Variants in RSPO2 observed in about 807,000 individuals in gnomAD.
The protein encoded by RSPO2 is R-spondin 2.
RSPO2 carries 14 observed loss-of-function variants against 30.9 expected under a neutral mutation model. The observed-to-expected ratio is 0.45, with a 90% CI of 0.30 to 0.71. The LOEUF (loss-of-function observed/expected upper bound fraction) is 0.71, where lower values mean the gene tolerates loss of function less well. RSPO2 is among the 30% of genes least tolerant of loss of function. The probability of loss-of-function intolerance (pLI) is 0.08; values close to 1 mark genes in which losing one functional copy is unlikely to be tolerated. For synonymous variants in RSPO2, 107 were observed against 96.4 expected (o/e 1.11, Z -0.64); for missense variants, 264 against 301.9 (o/e 0.87, Z 0.93).
chr8:108,004,877 ATAT>A (rs1478837586), intron 2 of RSPO2, among the ~76,000 whole-genome samples: 2 of 152,312 alleles, frequency 1.3e-5, no homozygotes, highest in African/African-American at 2.4e-5. Flanking sequence ...CATATTTGAT[ATAT>A]TATTTTTTAA....
rs181528487 is a variant in RSPO2 at position 108,017,788 on chromosome 8, A to T, written c.95-28544T>A. ...ATGAACGATTTGTCAATCTAGGGAA[A>T]ATTTCAACCTTATGGAAATAAAGAA... On this transcript the variant is annotated intron_variant, in intron 2 of 5. Coordinates refer to ENST00000276659, the MANE Select transcript of RSPO2 (RefSeq NM_178565.5). Among the ~76,000 whole-genome samples the T allele has an allele frequency of 3.0e-3, 456 of 152,320 alleles. 5 individuals are homozygous for T. The highest frequency in any genetic ancestry group is 2.3e-3 in the Non-Finnish European group (154 of 68,026).
chr8:107,935,879 C>T (rs944610479), intron 5 of RSPO2, among the ~76,000 whole-genome samples: 1 of 152,118 alleles, frequency 6.6e-6, no homozygotes, highest in Admixed American at 6.6e-5. Flanking sequence ...TTGTTACATG[C>T]ATAGACTGTG....
At chr8:107,908,778 A>G (rs1382246842) in intron 5 of RSPO2, among the ~76,000 whole-genome samples, 1 of 152,232 alleles carries the variant, frequency 6.6e-6, no homozygotes, top group Non-Finnish European at 1.5e-5. Context: ...GAAGAAAAGA[A>G]AATTAAGAAG....
At chr8:107,936,164 A>G (rs567522578) in intron 5 of RSPO2, among the ~76,000 whole-genome samples, 48 of 152,012 alleles carry the variant, frequency 3.2e-4, no homozygotes, top group African/African-American at 1.1e-3. Flanking sequence ...CATGAGATCA[A>G]TTTTTTAGCT....
chr8:108,007,331 CA>C, intron 2 of RSPO2, among the ~76,000 whole-genome samples: 1 of 152,218 alleles, frequency 6.6e-6, no homozygotes, highest in African/African-American at 2.4e-5. Flanking sequence ...TTAATTCAGA[CA>C]GAGATCATCA....
At chr8:107,913,390 T>C (rs1015641303) in intron 5 of RSPO2, among the ~76,000 whole-genome samples, 1 of 152,190 alleles carries the variant, frequency 6.6e-6, no homozygotes, top group Non-Finnish European at 1.5e-5. Context: ...ATTGGTTTGA[T>C]ACAAGACGAG....
chr8:107,940,852 C>T (rs932921387), intron 5 of RSPO2, among the ~76,000 whole-genome samples: 5 of 152,108 alleles, frequency 3.3e-5, no homozygotes, highest in Admixed American at 3.3e-4. Context: ...AAACATCAAT[C>T]ACAGCTCCCT....
At chr8:108,076,834 G>A (rs755114254) in intron 2 of RSPO2, among the ~76,000 whole-genome samples, 2 of 152,144 alleles carry the variant, frequency 1.3e-5, no homozygotes, top group Non-Finnish European at 2.9e-5. Flanking sequence ...CGAGAAACAG[G>A]GACGGGTAAA....
At chr8:108,019,740 T>C (rs1245312529) in intron 2 of RSPO2, among the ~76,000 whole-genome samples, 1 of 152,204 alleles carries the variant, frequency 6.6e-6, no homozygotes, top group Non-Finnish European at 1.5e-5. Context: ...CACCTGCTGA[T>C]TGAGTGCTTT....
intron 5 of RSPO2, among the ~76,000 whole-genome samples, chr8:107,903,742 T>C (rs1250945447): frequency 6.6e-6 from 1 of 152,092 alleles, no homozygotes; most frequent in Admixed American, 6.6e-5. Flanking sequence ...CTCAGAAGTC[T>C]CTCTTGAATG....
intron 5 of RSPO2, among the ~76,000 whole-genome samples, chr8:107,926,963 T>C (rs1239941665): frequency 2.0e-5 from 3 of 152,154 alleles, no homozygotes; most frequent in South Asian, 4.1e-4. Context: ...GGGGATGGCA[T>C]TGAATCTATA....
chr8:107,940,722 C>A (rs1363281498), intron 5 of RSPO2, among the ~76,000 whole-genome samples: 1 of 152,082 alleles, frequency 6.6e-6, no homozygotes, highest in Non-Finnish European at 1.5e-5. Flanking sequence ...AGCTAAAGAA[C>A]CCCTTCCAAG....
rs1028297842 is a variant in RSPO2, at chr8:108,042,825, G to C, written c.94+39720C>G. ...AAAACTGGGAAACTGGGAATCAAAG[G>C]CTTTGTTTGGAGTCAGGCCCAGCTT... On this transcript the variant is annotated intron_variant, in intron 2 of 5. Coordinates refer to ENST00000276659, the MANE Select transcript of RSPO2 (RefSeq NM_178565.5). Among the ~76,000 whole-genome samples the C allele has an allele frequency of 1.2e-3, 188 of 152,040 alleles. 5 individuals are homozygous for C. Among genetic ancestry groups the C allele is most frequent in the Non-Finnish European group, 8.8e-5 (6 of 68,006 alleles).
intron 3 of RSPO2, among the ~76,000 whole-genome samples, chr8:107,961,672 G>T (rs1209375468): frequency 6.6e-6 from 1 of 152,118 alleles, no homozygotes; most frequent in East Asian, 1.9e-4. Context: ...ATGCCTCTCT[G>T]AGCCTCTATT....
intron 2 of RSPO2, among the ~76,000 whole-genome samples, chr8:108,073,263 A>G (rs554037534): frequency 2.0e-5 from 3 of 152,368 alleles, no homozygotes; most frequent in South Asian, 2.1e-4. Flanking sequence ...CCCTGAACCA[A>G]TAGGGCAAAG....
chr8:107,910,945 T>C (rs549713521), intron 5 of RSPO2, among the ~76,000 whole-genome samples: 1 of 152,226 alleles, frequency 6.6e-6, no homozygotes, highest in South Asian at 2.1e-4. Flanking sequence ...AGCATCCTGG[T>C]TAGAGTCTTC....
At chr8:107,981,538 A>T (rs1438852453) in intron 3 of RSPO2, among the ~76,000 whole-genome samples, 2 of 152,054 alleles carry the variant, frequency 1.3e-5, no homozygotes, top group African/African-American at 4.8e-5. Flanking sequence ...AAAGAAAGAA[A>T]GACAAGAAAA....
At chr8:107,991,180 G>A (rs2130530561) in intron 2 of RSPO2, among the ~76,000 whole-genome samples, 1 of 152,184 alleles carries the variant, frequency 6.6e-6, no homozygotes, top group East Asian at 1.9e-4. Flanking sequence ...CTGGAAGGCA[G>A]AGGTTGTGGT....
chr8:107,970,825 T>C (rs1475042856), intron 3 of RSPO2, among the ~76,000 whole-genome samples: 1 of 152,238 alleles, frequency 6.6e-6, no homozygotes, highest in Non-Finnish European at 1.5e-5. Flanking sequence ...GGGCTGAAAC[T>C]AGCTTGACAT....
Sources: allele counts gnomAD v4.1 joint callset (sites outside exome capture counted in the v4.1 genomes callset), GRCh38; gene constraint gnomAD v4.1.1; transcripts MANE v1.5; gene names NCBI Gene and HGNC (gene_info 2026-07-23, HGNC 2026-07-21).